The following NRG3 variants were observed in gnomAD, a reference collection of about 807,000 sequenced individuals.
NRG3 encodes neuregulin 3, also known as pro-neuregulin-3, membrane-bound isoform.
Under a neutral mutation model 66.9 loss-of-function variants are expected in NRG3, and 31 were observed. The observed-to-expected ratio is 0.46, with a 90% CI of 0.35 to 0.63. The LOEUF is 0.63. Among genes scored for constraint, NRG3 ranks in the 20% least tolerant of loss-of-function variants. The pLI, the probability that NRG3 is intolerant of heterozygous loss-of-function variation, is 0.00. For synonymous variants in NRG3, 393 were observed against 359.4 expected (o/e 1.09, Z -1.06); for missense variants, 910 against 878.9 (o/e 1.04, Z -0.45).
At chr10:82,072,402 A>G (rs2064859640) in intron 1 of NRG3, among the ~76,000 whole-genome samples, 1 of 152,222 alleles carries the variant, frequency 6.6e-6, no homozygotes, top group African/African-American at 2.4e-5. Context: ...GTAACCAGTA[A>G]ATGTTAGAAG....
At chr10:82,138,468 A>G (rs1036591803) in intron 1 of NRG3, among the ~76,000 whole-genome samples, 3 of 152,184 alleles carry the variant, frequency 2.0e-5, no homozygotes, top group African/African-American at 7.2e-5. Context: ...CATCCTCTTT[A>G]TAGAGTGATA....
intron 4 of NRG3, among the ~76,000 whole-genome samples, chr10:82,912,606 C>T (rs1923570): frequency 0.36 from 54,565 of 151,884 alleles, 10,252 homozygotes; most frequent in East Asian, 0.54. Flanking sequence ...AAATATACTT[C>T]GACAATTGCT....
intron 3 of NRG3, among the ~76,000 whole-genome samples, chr10:82,845,085 G>C (rs545415999): frequency 6.6e-6 from 1 of 152,172 alleles, no homozygotes; most frequent in Admixed American, 6.5e-5. Flanking sequence ...AACCCGGGAC[G>C]CAGAGGTTGC....
intron 1 of NRG3, among the ~76,000 whole-genome samples, chr10:82,012,891 A>G (rs1478693260): frequency 2.0e-5 from 3 of 152,162 alleles, no homozygotes; most frequent in Non-Finnish European, 4.4e-5. Flanking sequence ...GGTCAAAACT[A>G]TTCAACAAAT....
intron 2 of NRG3, among the ~76,000 whole-genome samples, chr10:82,637,680 A>G (rs1480882960): frequency 1.3e-5 from 2 of 152,222 alleles, no homozygotes; most frequent in Non-Finnish European, 2.9e-5. Context: ...AAAGTCAAGG[A>G]AAGACTGAAG....
chr10:82,552,459 TA>T (rs2044375345), intron 2 of NRG3, among the ~76,000 whole-genome samples: 1 of 152,196 alleles, frequency 6.6e-6, no homozygotes, highest in Non-Finnish European at 1.5e-5. Context: ...ATTTTCTATT[TA>T]AAAAATGCTG....
chr10:81,920,009 AT>A (rs1846104569), intron 1 of NRG3, among the ~76,000 whole-genome samples: 1 of 152,232 alleles, frequency 6.6e-6, no homozygotes, highest in South Asian at 2.1e-4. Context: ...AACAATAAAA[AT>A]AACTTTATAA....
intron 2 of NRG3, among the ~76,000 whole-genome samples, chr10:82,707,002 A>T (rs2056337752): frequency 8.2e-6 from 1 of 122,308 alleles, no homozygotes; most frequent in African/African-American, 3.1e-5. Flanking sequence ...TCAAAAAAAA[A>T]AAATAAAATA....
At chr10:82,445,485 A>C (rs1348789901) in intron 2 of NRG3, among the ~76,000 whole-genome samples, 1 of 152,186 alleles carries the variant, frequency 6.6e-6, no homozygotes, top group Non-Finnish European at 1.5e-5. Context: ...TGTAATAAGC[A>C]TGCCTTCTTA....
chr10:82,379,325 G>T (rs557236975), intron 2 of NRG3, among the ~76,000 whole-genome samples: 15 of 152,018 alleles, frequency 9.9e-5, no homozygotes, highest in African/African-American at 3.6e-4. Context: ...ACGCTTGGGG[G>T]GAAATGAGCT....
At chr10:81,966,947 ATTTG>A (rs1332614399) in intron 1 of NRG3, among the ~76,000 whole-genome samples, 4 of 151,276 alleles carry the variant, frequency 2.6e-5, no homozygotes, top group African/African-American at 4.9e-5. Context: ...TTTGTTTTAT[ATTTG>A]TTCTCTCTCT....
chr10:82,548,995 C>T (rs1045672397), intron 2 of NRG3, among the ~76,000 whole-genome samples: 4 of 152,128 alleles, frequency 2.6e-5, no homozygotes, highest in African/African-American at 9.7e-5. Flanking sequence ...AGCCCTCACA[C>T]TGGGCAACCT....
chr10:82,297,556 C>T (rs1461978967), intron 1 of NRG3, among the ~76,000 whole-genome samples: 2 of 152,082 alleles, frequency 1.3e-5, no homozygotes, highest in African/African-American at 4.8e-5. Flanking sequence ...ACAAGTGTAG[C>T]TCCCCGATTC....
chr10:81,969,162 C>G (rs562515051), intron 1 of NRG3, among the ~76,000 whole-genome samples: 1 of 152,232 alleles, frequency 6.6e-6, no homozygotes, highest in East Asian at 1.9e-4. Context: ...TGTCAGGGAC[C>G]TGAACAAAGT....
At chr10:82,659,672 G>A (rs961567147) in intron 2 of NRG3, among the ~76,000 whole-genome samples, 6 of 151,542 alleles carry the variant, frequency 4.0e-5, no homozygotes, top group Non-Finnish European at 8.8e-5. Context: ...AAGCAAAACA[G>A]AAAACCAAAG....
chr10:82,956,192 A>G (rs1468743526), intron 5 of NRG3, among the ~76,000 whole-genome samples: 1 of 151,938 alleles, frequency 6.6e-6, no homozygotes, highest in Admixed American at 6.5e-5. Flanking sequence ...TGCAACTTAC[A>G]TCTCATTTCT....
chr10:82,254,935 C>G (rs554118918), intron 1 of NRG3, among the ~76,000 whole-genome samples: 36 of 152,232 alleles, frequency 2.4e-4, no homozygotes, highest in African/African-American at 8.7e-4. Flanking sequence ...GATATTCAGT[C>G]CTTGAGGTGT....
chr10:82,233,510 G>C (rs968343261), intron 1 of NRG3, among the ~76,000 whole-genome samples: 3 of 152,180 alleles, frequency 2.0e-5, no homozygotes, highest in African/African-American at 7.2e-5. Context: ...ATACAGCCTT[G>C]TTCTGGGCCT....
At chr10:82,330,129 A>G (rs1375274319) in intron 1 of NRG3, among the ~76,000 whole-genome samples, 4 of 152,326 alleles carry the variant, frequency 2.6e-5, no homozygotes. Flanking sequence ...AAGAAGGCTC[A>G]GTGTTGGCAC....
Sources: gnomAD v4.1 joint callset for allele counts (sites outside exome capture counted in the v4.1 genomes callset) on GRCh38, gnomAD v4.1.1 for gene constraint, MANE v1.5 for transcripts, NCBI Gene and HGNC (gene_info 2026-07-23, HGNC 2026-07-21) for gene names.